The following PPIP5K2 variants were observed in gnomAD, a reference collection of about 807,000 sequenced individuals.
PPIP5K2 encodes the protein inositol hexakisphosphate and diphosphoinositol-pentakisphosphate kinase 2.
A neutral mutation model predicts 154.6 loss-of-function variants in PPIP5K2; 105 were observed. The ratio of observed to expected loss-of-function variants is 0.68; its 90% CI spans 0.58 to 0.80. The LOEUF is 0.80. PPIP5K2 is among the 30% of genes least tolerant of loss of function. PPIP5K2 has a pLI of 0.00. For missense variants in PPIP5K2, 992 were observed against 1,504.6 expected (o/e 0.66, Z 5.64); for synonymous variants, 480 against 490.3 (o/e 0.98, Z 0.28).
At chr5:103,132,626 T>C (rs940681909) in intron 2 of PPIP5K2, among the ~76,000 whole-genome samples, 12 of 152,190 alleles carry the variant, frequency 7.9e-5, no homozygotes, top group Non-Finnish European at 1.3e-4. Context: ...AGAAAAGCAC[T>C]TTCAAGCCTA....
chr5:103,120,828 A>G (rs755347605), intron 1 of PPIP5K2: 6 of 241,112 alleles, frequency 2.5e-5, no homozygotes, highest in Non-Finnish European at 5.3e-5. Context: ...GCCTCGAGTT[A>G]TGGGACTGCT....
At chr5:103,194,855 T>G (rs1801813934) in intron 29 of PPIP5K2, 45 bp from the exon 30 acceptor site, 1 of 1,578,968 alleles carries the variant, frequency 6.3e-7, no homozygotes, top group Non-Finnish European at 8.6e-7. Context: ...AAGAGATAAT[T>G]GGCAGGAAAT....
Position 103,129,620 on chromosome 5 carries a change from C to T in PPIP5K2, c.31C>T (p.Pro11Ser). The T allele has an allele frequency of 6.2e-7, 1 of 1,606,266 alleles. No homozygotes were observed. The highest frequency in any genetic ancestry group is 8.5e-7 in the Non-Finnish European group (1 of 1,177,720). Residue 11 changes from proline to serine, a missense_variant, in exon 2 of 31, where the codon CCA (proline) becomes TCA (serine). By Grantham distance (74) the Pro-to-Ser change is moderately conservative (BLOSUM62 -1). Transcript: ENST00000358359. MSEAPRFFVGPEDTEINPGNY... is the reference protein window; with the variant it reads MSEAPRFFVGSEDTEINPGNY... ...TGAAGCCCCCAGATTCTTCGTTGGA[C>T]CAGAAGATACAGAAATAAATCCTGG...
intron 5 of PPIP5K2, among the ~76,000 whole-genome samples, chr5:103,142,205 G>C (rs1207746081): frequency 2.6e-5 from 4 of 152,340 alleles, no homozygotes; most frequent in East Asian, 3.9e-4. Flanking sequence ...GGCTCGGTGA[G>C]AAATCCAGCG....
chr5:103,192,075 C>T (rs1034802826), intron 29 of PPIP5K2, among the ~76,000 whole-genome samples: 22 of 152,068 alleles, frequency 1.4e-4, no homozygotes, highest in South Asian at 6.2e-4. Context: ...CTAAATGATA[C>T]CCCCTGCATT....
At chr5:103,173,641 T>G (rs1375486729) in intron 20 of PPIP5K2, among the ~76,000 whole-genome samples, 2 of 152,030 alleles carry the variant, frequency 1.3e-5, no homozygotes, top group African/African-American at 2.4e-5. Context: ...TTAAGTCTAT[T>G]CTTTGACTAC....
intron 19 of PPIP5K2, among the ~76,000 whole-genome samples, chr5:103,170,010 C>A (rs1554219115): frequency 2.0e-5 from 3 of 151,454 alleles, no homozygotes; most frequent in African/African-American, 7.3e-5. Context: ...CATTGCATTG[C>A]TTATTTAATC....
chr5:103,132,079 T>C (rs927318843), intron 2 of PPIP5K2, among the ~76,000 whole-genome samples: 2 of 152,146 alleles, frequency 1.3e-5, no homozygotes, highest in Admixed American at 6.5e-5. Context: ...CAGGAAAGCA[T>C]TGAATAAGGG....
At chr5:103,163,086 G>GTTTTTTTTTTTTTTTT (rs35922283) in intron 17 of PPIP5K2, among the ~76,000 whole-genome samples, 1 of 59,894 alleles carries the variant, frequency 1.7e-5, no homozygotes, top group Admixed American at 1.9e-4. Context: ...TTCTTCAAGT[G>GTTTTTTTTTTTTTTTT]TTTTTTTTTT....
Position 103,129,823 on chromosome 5 carries a change from T to C in PPIP5K2, c.114+120T>C. 3 of 1,271,176 alleles carry C rather than the reference T, an allele frequency of 2.4e-6. No individual in the cohort carries two copies. In the South Asian group the frequency reaches 5.8e-5, roughly 25 times the overall value. 78.7% of individuals were successfully genotyped at this position (1,271,176 alleles called of 1,614,324 possible). On this transcript the variant is annotated intron_variant, in intron 2 of 30. Coordinates refer to ENST00000358359, the MANE Select transcript of PPIP5K2 (RefSeq NM_001276277.3). ...AACTGAAAAAGTATATTTTGTTTCATGACTGATGTTGTTGAATCTATGATG... is the reference window on the plus strand; with the variant it reads ...AACTGAAAAAGTATATTTTGTTTCACGACTGATGTTGTTGAATCTATGATG...
In PPIP5K2 at chr5:103,194,955, G is replaced by T. The variant is rs116721589; in HGVS notation, c.3549G>T (p.Thr1183=). ...TGAGAAAAAAAGTATCTTTAAATACGTATACACCTGCAAAGATCCTCCCAA... is the reference window on the plus strand; with the variant it reads ...TGAGAAAAAAAGTATCTTTAAATACTTATACACCTGCAAAGATCCTCCCAA... The part of the protein sequence containing the change: ...PIMRKKVSLN[T]YTPAKILPTP... The change falls in exon 30 of 31, where the codon ACG becomes ACT. Residue 1183 remains threonine, a synonymous_variant. Coordinates refer to ENST00000358359, the MANE Select transcript of PPIP5K2 (RefSeq NM_001276277.3). 3 of 1,613,190 alleles carry T rather than the reference G, an allele frequency of 1.9e-6. No individual in the cohort carries two copies. The highest frequency in any genetic ancestry group is 1.7e-5 in the Admixed American group (1 of 59,960).
intron 2 of PPIP5K2, among the ~76,000 whole-genome samples, chr5:103,131,986 T>C (rs1318455554): frequency 6.6e-6 from 1 of 152,210 alleles, no homozygotes; most frequent in East Asian, 1.9e-4. Flanking sequence ...TAAAGCAATG[T>C]GAAATGTTAG....
Position 103,201,738 on chromosome 5 carries a change from G to T in PPIP5K2, c.*104G>T. ...CACTTAAAAATGTTTTTAAATCTAAGGTTTTCTTTGTTTATGTTCAGGTAA... is the reference window on the plus strand; with the variant it reads ...CACTTAAAAATGTTTTTAAATCTAATGTTTTCTTTGTTTATGTTCAGGTAA... On this transcript the variant is annotated 3_prime_UTR_variant, in exon 31 of 31. Coordinates refer to ENST00000358359, the MANE Select transcript of PPIP5K2 (RefSeq NM_001276277.3). 7 of 844,974 alleles carry T rather than the reference G, an allele frequency of 8.3e-6. No individual in the cohort carries two copies. The highest frequency in any genetic ancestry group is 5.4e-5 in the South Asian group (3 of 55,700). The allele number at this position is 844,974 out of a possible 1,614,324, so 52.3% of individuals were successfully genotyped here.
At chr5:103,186,130 A>G (rs1800334676) in intron 26 of PPIP5K2, among the ~76,000 whole-genome samples, 190 bp from the exon 27 acceptor site, 1 of 152,072 alleles carries the variant, frequency 6.6e-6, no homozygotes, top group Non-Finnish European at 1.5e-5. Context: ...GATAAATGAT[A>G]GTGGTGTTTA....
At position 103,133,461 on chromosome 5, in the gene PPIP5K2, A is replaced by C. The variant is rs1790975479; in HGVS notation, c.123A>C (p.Glu41Asp). 6.2e-7 allele frequency: 1 copy of C among 1,602,978 alleles called. No homozygotes were observed. Among genetic ancestry groups the C allele is most frequent in the Non-Finnish European group, 8.5e-7 (1 of 1,177,566 alleles). The change falls in exon 3 of 31, where the codon GAA becomes GAC. Residue 41 changes from glutamate to aspartate, a missense_variant. Around this residue, in one of 9 missense-constraint regions of PPIP5K2, gnomAD observed 153 missense variants for 200.4 expected, o/e 0.76. Transcript: ENST00000358359. ...DDEEEDDSPP[E>D]RQIVVGICSM... is the part of the protein sequence containing the mutation. ...TTTCATTTTTGTTTTAGCCACCAGA[A>C]AGGCAGATTGTGGTTGGAATATGTT...
intron 17 of PPIP5K2, among the ~76,000 whole-genome samples, chr5:103,166,952 C>T (rs1489608591): frequency 1.3e-5 from 2 of 151,736 alleles, no homozygotes; most frequent in Admixed American, 1.3e-4. Context: ...GAAGGGGAGG[C>T]AGGAGAAACA....
intron 28 of PPIP5K2, chr5:103,189,348 A>G (rs76529229): frequency 0.023 from 15,714 of 680,294 alleles, 719 homozygotes; most frequent in African/African-American, 0.16. Context: ...TGTAGTCTAG[A>G]GGAACTTAAT....
At chr5:103,179,843 C>T (rs1799239833) in intron 23 of PPIP5K2, among the ~76,000 whole-genome samples, 178 bp from the exon 24 acceptor site, 1 of 151,996 alleles carries the variant, frequency 6.6e-6, no homozygotes, top group Non-Finnish European at 1.5e-5. Context: ...TGCCTTTTCC[C>T]TCATAGTACA....
rs377749135 is a variant in PPIP5K2, at chr5:103,194,915, G to T, written c.3509G>T (p.Arg1170Leu). Reference sequence around the variant, plus strand: ...TTTTTTTCAGCCTCTACAGCTTTACGTTCCAGTCCAATAATGAGAAAAAAA... The same window carrying T: ...TTTTTTTCAGCCTCTACAGCTTTACTTTCCAGTCCAATAATGAGAAAAAAA... ...KTAEISSTAL[R>L]SSPIMRKKVS... is the part of the protein sequence containing the mutation. Residue 1170 changes from arginine (R) to leucine (L), a missense_variant, in exon 30 of 31, where the codon CGT becomes CTT. Physicochemically the swap from Arg to Leu is moderately radical, Grantham distance 102. This residue lies in a region of PPIP5K2 where 131 missense variants were observed against 117.8 expected (regional missense o/e 1.11). Transcript: ENST00000358359. 2 of 1,611,592 alleles carry T rather than the reference G, an allele frequency of 1.2e-6. No individual in the cohort carries two copies. Among genetic ancestry groups the T allele is most frequent in the Admixed American group, 3.3e-5 (2 of 59,812 alleles).
Sources: gnomAD v4.1 joint callset for allele counts (sites outside exome capture counted in the v4.1 genomes callset) on GRCh38, gnomAD v4.1.1 for gene constraint, gnomAD v4.1.1 regional missense constraint, MANE v1.5 for transcripts, NCBI Gene and HGNC (gene_info 2026-07-23, HGNC 2026-07-21) for gene names.